EYA4: variants seen among roughly 807,000 people sequenced by gnomAD.
EYA4 encodes EYA transcriptional coactivator and phosphatase 4.
In EYA4, 31 loss-of-function variants were observed where a neutral mutation model predicts 87.9. The ratio of observed to expected loss-of-function variants is 0.35; its 90% CI spans 0.27 to 0.48. The LOEUF is 0.48. Among genes scored for constraint, EYA4 ranks in the 20% least tolerant of loss-of-function variants. The probability of loss-of-function intolerance (pLI) is 0.99; values close to 1 mark genes in which losing one functional copy is unlikely to be tolerated. For missense variants in EYA4, 678 were observed against 761.4 expected, an observed-to-expected ratio of 0.89 and a Z score of 1.29; for synonymous variants, 263 against 270.6, an observed-to-expected ratio of 0.97 and a Z score of 0.28.
intron 18 of EYA4, among the ~76,000 whole-genome samples, chr6:133,524,629 T>C (rs1028769054): frequency 6.6e-6 from 1 of 152,290 alleles, no homozygotes; most frequent in East Asian, 1.9e-4. Flanking sequence ...TCCTCTTTTT[T>C]TAGCGGTGAA....
chr6:133,264,430 G>A (rs1776043659), intron 1 of EYA4, among the ~76,000 whole-genome samples: 1 of 152,280 alleles, frequency 6.6e-6, no homozygotes, highest in African/African-American at 2.4e-5. Flanking sequence ...ACTGTGAACG[G>A]TAACGTCCAG....
chr6:133,424,901 G>A (rs1790533540), intron 3 of EYA4, among the ~76,000 whole-genome samples: 1 of 150,842 alleles, frequency 6.6e-6, no homozygotes, highest in South Asian at 2.1e-4. Context: ...CCCCAGCAGT[G>A]CCTCCCTGCT....
At chr6:133,506,074 T>G in intron 13 of EYA4, 32 bp from the exon 14 acceptor site, 1 of 1,295,396 alleles carries the variant, frequency 7.7e-7, no homozygotes, top group South Asian at 1.2e-5. Flanking sequence ...TTACTGAAAT[T>G]TTACCTCATT....
intron 13 of EYA4, among the ~76,000 whole-genome samples, chr6:133,487,881 A>G (rs1047023022): frequency 2.6e-5 from 4 of 152,114 alleles, no homozygotes; most frequent in African/African-American, 9.7e-5. Flanking sequence ...TTCCTCTTGC[A>G]GTTTAGGTAC....
intron 6 of EYA4, among the ~76,000 whole-genome samples, chr6:133,458,058 G>A (rs752473181): frequency 2.0e-5 from 3 of 152,042 alleles, no homozygotes; most frequent in Non-Finnish European, 4.4e-5. Flanking sequence ...CAGTCCCTGG[G>A]TCCTTTCTGT....
At chr6:133,458,778 C>T (rs868354240) in intron 6 of EYA4, among the ~76,000 whole-genome samples, 4 of 151,968 alleles carry the variant, frequency 2.6e-5, no homozygotes, top group African/African-American at 9.7e-5. Context: ...TAAGATGGCA[C>T]GATAATGAGA....
At chr6:133,453,789 G>C (rs1316676269) in intron 5 of EYA4, 1 of 151,968 alleles carries the variant, frequency 6.6e-6, no homozygotes, top group African/African-American at 2.4e-5. Context: ...TAAAATTCAG[G>C]CATTTTAGTA....
At chr6:133,273,097 G>GTGTATATATATATATATATA (rs142020137) in intron 1 of EYA4, among the ~76,000 whole-genome samples, 1,926 of 106,484 alleles carry the variant, frequency 0.018, 66 homozygotes, top group African/African-American at 0.055. Flanking sequence ...ATATATATAT[G>GTGTATATATATATATATATA]TATATATATA....
At chr6:133,350,049 A>T (rs1783519694) in intron 2 of EYA4, among the ~76,000 whole-genome samples, 1 of 152,164 alleles carries the variant, frequency 6.6e-6, no homozygotes, top group African/African-American at 2.4e-5. Flanking sequence ...AGAATGTTTG[A>T]TGAAGAATAA....
intron 2 of EYA4, chr6:133,325,475 C>A (rs1287687924): frequency 6.6e-6 from 1 of 152,132 alleles, no homozygotes; most frequent in Non-Finnish European, 1.5e-5. Flanking sequence ...ACTGAAATAT[C>A]ATCTTATTGG....
At chr6:133,362,235 TAGAGTGGGGCCAGGCTGCTATAAG>T in intron 2 of EYA4, among the ~76,000 whole-genome samples, 1 of 152,260 alleles carries the variant, frequency 6.6e-6, no homozygotes, top group South Asian at 2.1e-4. Context: ...TAGAATTTCT[TAGAGTGGGGCCAGGCTGCTATAAG>T]GGAGCTTTGG....
chr6:133,294,001 T>C (rs2128301702), intron 2 of EYA4, among the ~76,000 whole-genome samples: 1 of 116,506 alleles, frequency 8.6e-6, no homozygotes, highest in East Asian at 2.5e-4. Context: ...TATATAAAAT[T>C]CCTGTGCTCC....
chr6:133,497,090 G>C (rs1054865192), intron 13 of EYA4, among the ~76,000 whole-genome samples: 4 of 152,104 alleles, frequency 2.6e-5, no homozygotes, highest in Non-Finnish European at 5.9e-5. Context: ...TGAGTGTCCT[G>C]TGAAATGCAT....
chr6:133,394,284 G>GTTTTTTTTTTGTTTTTT (rs1787576532), intron 3 of EYA4, among the ~76,000 whole-genome samples: 3 of 17,866 alleles, frequency 1.7e-4, no homozygotes, highest in African/African-American at 4.5e-4. Context: ...ATAAGCTTGT[G>GTTTTTTTTTTGTTTTTT]TTTTTTTTTT....
chr6:133,321,879 C>CAGG (rs993905015), intron 2 of EYA4, among the ~76,000 whole-genome samples: 8 of 152,316 alleles, frequency 5.3e-5, no homozygotes, highest in African/African-American at 1.9e-4. Context: ...CTCATGGTCT[C>CAGG]AGGAGCCAGA....
Position 133,468,491 on chromosome 6 carries a change from A to C in EYA4, c.805-75A>C, listed in dbSNP as rs1795039007. The C allele has an allele frequency of 6.6e-6, 8 of 1,212,302 alleles. No individual in the cohort carries two copies. In the South Asian group the frequency reaches 8.5e-5, roughly 13 times the overall value. The allele number at this position is 1,212,302 out of a possible 1,614,324, so 75.1% of individuals were successfully genotyped here. ...TGAGTACTAATCTTTCAGTTACCAT[A>C]ATGACTGGTTTTCTTGGGAGAGTAT... On this transcript the variant is annotated intron_variant, in intron 10 of 19. Transcript: ENST00000355286.
chr6:133,445,840 G>A (rs1368565057), intron 3 of EYA4, among the ~76,000 whole-genome samples: 6 of 152,186 alleles, frequency 3.9e-5, no homozygotes, highest in East Asian at 1.9e-4. Context: ...TCGGCCTCCC[G>A]AAGTGCTGGG....
chr6:133,385,445 G>C (rs986179573), intron 3 of EYA4, among the ~76,000 whole-genome samples: 3 of 147,982 alleles, frequency 2.0e-5, no homozygotes, highest in Admixed American at 2.0e-4. Flanking sequence ...GTGTGTGAGA[G>C]AGAGAGAGAG....
At chr6:133,312,182 C>G (rs1406506115) in intron 2 of EYA4, among the ~76,000 whole-genome samples, 3 of 152,000 alleles carry the variant, frequency 2.0e-5, no homozygotes, top group African/African-American at 7.3e-5. Flanking sequence ...GGGGCAGGAG[C>G]AGACTGTGGC....
Sources: gnomAD v4.1 joint callset for allele counts (sites outside exome capture counted in the v4.1 genomes callset) on GRCh38, gnomAD v4.1.1 for gene constraint, MANE v1.5 for transcripts, NCBI Gene and HGNC (gene_info 2026-07-23, HGNC 2026-07-21) for gene names.